WIF1: variants seen among roughly 807,000 people sequenced by gnomAD.
WIF1 encodes Wnt inhibitory factor 1.
A neutral mutation model predicts 53.5 loss-of-function variants in WIF1; 35 were observed. The ratio of observed to expected loss-of-function variants is 0.65; its 90% CI spans 0.50 to 0.87. The LOEUF (loss-of-function observed/expected upper bound fraction) is 0.87, where lower values mean the gene tolerates loss of function less well. Among genes scored for constraint, WIF1 ranks in the 40% least tolerant of loss-of-function variants. The pLI is 0.00. For missense variants in WIF1, 467 were observed against 476.8 expected (o/e 0.98, Z 0.19); for synonymous variants, 171 against 170.4 (o/e 1.00, Z -0.03).
At position 65,055,188 on chromosome 12, in the gene WIF1, T is replaced by G. The variant is rs773501898; in HGVS notation, c.948A>C (p.Ala316=). The part of the protein sequence containing the change: ...SKPVCEPGCG[A]HGTCHEPNKC... The stretch of plus-strand genomic sequence containing the variant: ...TGTTGGGTTCATGGCAGGTTCCATG[T>G]GCACCACAGCCAGGCTCGCAGACAG... Residue 316 remains alanine (A), a synonymous_variant, in exon 9 of 10, where the codon GCA becomes GCC. Coordinates refer to ENST00000286574, the MANE Select transcript of WIF1 (RefSeq NM_007191.5). 2.5e-6 allele frequency: 4 copies of G among 1,614,170 alleles called. No homozygotes were observed. Among genetic ancestry groups the G allele is most frequent in the Non-Finnish European group, 3.4e-6 (4 of 1,180,014 alleles).
rs575856562 is a variant in WIF1, at chr12:65,085,973, T to C, written c.289-8119A>G. On this transcript the variant is annotated intron_variant, in intron 2 of 9. Coordinates refer to ENST00000286574, the MANE Select transcript of WIF1 (RefSeq NM_007191.5). ...ATCTGACAAATCATTGGCTAGTCAC[T>C]CTCTTTCAAGATGTCTAAAGATAGA... 5.3e-5 allele frequency among the ~76,000 whole-genome samples: 8 copies of C among 152,296 alleles called. No homozygotes were observed. The South Asian group carries it at 1.7e-3, about 32-fold the overall frequency.
At chr12:65,086,997 A>T (rs560181670) in intron 2 of WIF1, among the ~76,000 whole-genome samples, 1 of 151,796 alleles carries the variant, frequency 6.6e-6, no homozygotes, top group South Asian at 2.1e-4. Flanking sequence ...TAATTAAAAA[A>T]AAAATAGCTG....
At chr12:65,087,689 A>G (rs1883061599) in intron 2 of WIF1, among the ~76,000 whole-genome samples, 1 of 152,150 alleles carries the variant, frequency 6.6e-6, no homozygotes, top group African/African-American at 2.4e-5. Flanking sequence ...AATGCATTAG[A>G]TACTTTCATA....
intron 2 of WIF1, 66 bp from the exon 3 acceptor site, chr12:65,077,920 C>A (rs761315926): frequency 3.7e-4 from 448 of 1,210,306 alleles, no homozygotes; most frequent in Non-Finnish European, 4.8e-4. Context: ...CCACAGAATT[C>A]ATCGTCCATC....
At position 65,077,818 on chromosome 12, in the gene WIF1, G is replaced by A. The variant is rs564596449; in HGVS notation, c.325C>T (p.Leu109=). 2 of 1,613,810 alleles carry A rather than the reference G, an allele frequency of 1.2e-6. No individual in the cohort carries two copies. Among genetic ancestry groups the A allele is most frequent in the East Asian group, 2.2e-5 (1 of 44,848 alleles). ...GGATCTGCCATGATGCCTTTATCCAGGGAGCGCAAGGACAGGAATTCATAG... is the reference window on the plus strand; with the variant it reads ...GGATCTGCCATGATGCCTTTATCCAAGGAGCGCAAGGACAGGAATTCATAG... ...YFYEFLSLRS[L]DKGIMADPTV... The change falls in exon 3 of 10, where the codon CTG becomes TTG. Residue 109 remains leucine, a synonymous_variant. Coordinates refer to ENST00000286574, the MANE Select transcript of WIF1 (RefSeq NM_007191.5).
intron 9 of WIF1, among the ~76,000 whole-genome samples, chr12:65,052,745 T>C (rs1882459887): frequency 6.6e-6 from 1 of 152,236 alleles, no homozygotes; most frequent in Non-Finnish European, 1.5e-5. Context: ...GGAGGCACAC[T>C]GATGGCAGAC....
Position 65,085,354 on chromosome 12 carries a change from G to A in WIF1, c.289-7500C>T, listed in dbSNP as rs1592395993. Among the ~76,000 whole-genome samples the A allele has an allele frequency of 5.3e-5, 8 of 152,218 alleles. 3 individuals carry two copies. Among genetic ancestry groups the A allele is most frequent in the Admixed American group, 5.2e-4 (8 of 15,288 alleles). On this transcript the variant is annotated intron_variant, in intron 2 of 9. Coordinates refer to ENST00000286574, the MANE Select transcript of WIF1 (RefSeq NM_007191.5). The stretch of plus-strand genomic sequence containing the variant: ...TTTCATATATACCTTATAGGCTGAA[G>A]GTAGTTGTATATAATATTTTAAATA...
At chr12:65,114,609 C>T (rs1010686993) in intron 2 of WIF1, among the ~76,000 whole-genome samples, 15 of 152,132 alleles carry the variant, frequency 9.9e-5, no homozygotes, top group African/African-American at 3.4e-4. Context: ...GGGAGCTACG[C>T]TAGTGTCACT....
chr12:65,090,732 C>T lies in WIF1; in HGVS notation c.289-12878G>A, dbSNP rs368173303. Among the ~76,000 whole-genome samples the T allele has an allele frequency of 1.4e-4, 22 of 152,300 alleles. No individual in the cohort carries two copies. In the South Asian group the frequency reaches 4.6e-3, roughly 32 times the overall value. On this transcript the variant is annotated intron_variant, in intron 2 of 9. Coordinates refer to ENST00000286574, the MANE Select transcript of WIF1 (RefSeq NM_007191.5). Reference sequence around the variant, plus strand: ...AGGAACCCAAGGAAGCCAGTGTCTACTTTGCAGTGCTGTTGTGAGGATCAA... The same window carrying T: ...AGGAACCCAAGGAAGCCAGTGTCTATTTTGCAGTGCTGTTGTGAGGATCAA...
At chr12:65,081,415 G>A (rs574363358) in intron 2 of WIF1, among the ~76,000 whole-genome samples, 1 of 152,212 alleles carries the variant, frequency 6.6e-6, no homozygotes, top group East Asian at 1.9e-4. Flanking sequence ...GAGCCTTCAG[G>A]TATGACCACA....
In WIF1 at chr12:65,121,166, G is replaced by A. The variant is rs907011096; in HGVS notation, c.26C>T (p.Ala9Val). Reference sequence around the variant, plus strand: ...GATGCTCCAGAGCCAGAGCGCGGCGGCAGGGAAGGCGCTCCTCCGGGCCAT... The same window carrying A: ...GATGCTCCAGAGCCAGAGCGCGGCGACAGGGAAGGCGCTCCTCCGGGCCAT... MARRSAFPAAALWLWSILL... is the reference protein window; with the variant it reads MARRSAFPVAALWLWSILL... The change falls in exon 1 of 10, where the codon GCC (alanine) becomes GTC (valine). Residue 9 changes from alanine to valine, a missense_variant. Physicochemically the swap from Ala to Val is moderately conservative, Grantham distance 64. Transcript: ENST00000286574. The A allele has an allele frequency of 6.5e-7, 1 of 1,545,198 alleles. No individual in the cohort carries two copies. The highest frequency in any genetic ancestry group is 1.2e-5 in the South Asian group (1 of 82,476).
chr12:65,073,797 G>T (rs969028), intron 3 of WIF1, among the ~76,000 whole-genome samples: 1 of 152,064 alleles, frequency 6.6e-6, no homozygotes, highest in Non-Finnish European at 1.5e-5. Flanking sequence ...GCTCTGCAAT[G>T]GTGTAAGGTT....
intron 4 of WIF1, 47 bp from the exon 5 acceptor site, chr12:65,067,837 G>A (rs774410275): frequency 3.2e-6 from 5 of 1,549,482 alleles, no homozygotes; most frequent in East Asian, 2.3e-5. Context: ...TTGAAATCAT[G>A]TTGGGTGAAT....
At chr12:65,052,596 A>G (rs924121536) in intron 9 of WIF1, among the ~76,000 whole-genome samples, 3 of 152,176 alleles carry the variant, frequency 2.0e-5, no homozygotes, top group African/African-American at 7.2e-5. Context: ...ACCTCCGTCT[A>G]GTCAAAATAA....
At chr12:65,114,221 C>T (rs989329535) in intron 2 of WIF1, among the ~76,000 whole-genome samples, 5 of 151,734 alleles carry the variant, frequency 3.3e-5, no homozygotes, top group African/African-American at 9.7e-5. Context: ...AAAAAAACCA[C>T]ACTTTTAATA....
intron 7 of WIF1, among the ~76,000 whole-genome samples, chr12:65,060,975 A>G (rs1882602662): frequency 6.6e-6 from 1 of 152,214 alleles, no homozygotes. Flanking sequence ...AAGAACATGA[A>G]AGGGCATATT....
At chr12:65,090,804 C>T (rs559314909) in intron 2 of WIF1, among the ~76,000 whole-genome samples, 24 of 152,192 alleles carry the variant, frequency 1.6e-4, no homozygotes, top group African/African-American at 5.1e-4. Context: ...TGTAAGCATT[C>T]AACAAATGCT....
chr12:65,074,572 C>T (rs759383168), intron 3 of WIF1, among the ~76,000 whole-genome samples: 1 of 151,888 alleles, frequency 6.6e-6, no homozygotes, highest in Non-Finnish European at 1.5e-5. Context: ...AATCCCAACA[C>T]TTTGGGAGGC....
At chr12:65,111,671 G>A (rs1485902965) in intron 2 of WIF1, among the ~76,000 whole-genome samples, 3 of 152,116 alleles carry the variant, frequency 2.0e-5, no homozygotes, top group Non-Finnish European at 4.4e-5. Context: ...TTGTTAAGGG[G>A]ATATGTTTAT....
Sources: allele counts gnomAD v4.1 joint callset (sites outside exome capture counted in the v4.1 genomes callset), GRCh38; gene constraint gnomAD v4.1.1; transcripts MANE v1.5; gene names NCBI Gene and HGNC (gene_info 2026-07-23, HGNC 2026-07-21).